Variants in CENPK observed in about 807,000 individuals in gnomAD.
CENPK encodes the protein centromere protein K.
CENPK carries 46 observed loss-of-function variants against 40.9 expected under a neutral mutation model. That is an observed-to-expected ratio of 1.13 (90% CI 0.89 to 1.44). The LOEUF (loss-of-function observed/expected upper bound fraction) is 1.44, where lower values mean the gene tolerates loss of function less well. Among genes scored for constraint, CENPK ranks in the 40% most tolerant of loss-of-function variants. CENPK has a pLI of 0.00. For synonymous variants in CENPK, 107 were observed against 104.4 expected (o/e 1.02, Z -0.15); for missense variants, 288 against 303.5 (o/e 0.95, Z 0.38).
At chr5:65,551,372 G>T in intron 5 of CENPK, 192 bp downstream of exon 5, 2 of 440,404 alleles carry the variant, frequency 4.5e-6, no homozygotes, top group East Asian at 4.3e-5. Flanking sequence ...ATAATCTAAT[G>T]TAAGATATGT....
At chr5:65,544,418 A>G (rs755464313) in intron 5 of CENPK, among the ~76,000 whole-genome samples, 6 of 152,182 alleles carry the variant, frequency 3.9e-5, no homozygotes, top group Non-Finnish European at 5.9e-5. Context: ...AGAAACTGAA[A>G]CCATGTGCAC....
At chr5:65,498,634 CT>C in the CENPK span, among the ~76,000 whole-genome samples, 40,964 of 132,354 alleles carry the variant, frequency 0.31, 6,010 homozygotes, top group African/African-American at 0.41. Flanking sequence ...TTTCTTTTTT[CT>C]TTTTTTTTTT....
chr5:65,526,891 G>A (rs1465084530), intron 9 of CENPK, among the ~76,000 whole-genome samples: 2 of 152,116 alleles, frequency 1.3e-5, no homozygotes, highest in Non-Finnish European at 2.9e-5. Context: ...TCAGGAGTTC[G>A]AGACCAGCCT....
intron 5 of CENPK, chr5:65,551,242 CCT>C (rs1437244824): frequency 8.5e-6 from 2 of 235,600 alleles, no homozygotes; most frequent in African/African-American, 3.3e-5. Context: ...ACGATGAGAC[CCT>C]GTCTCAAAAA....
downstream of CENPK, among the ~76,000 whole-genome samples, chr5:65,517,448 C>T (rs245551): frequency 0.68 from 103,635 of 151,924 alleles, 35,894 homozygotes; most frequent in East Asian, 0.89. Flanking sequence ...ATATATTATC[C>T]TCCCCTAAAA....
chr5:65,525,203 C>T (rs896043091), intron 9 of CENPK, among the ~76,000 whole-genome samples: 6 of 151,864 alleles, frequency 4.0e-5, no homozygotes, highest in Non-Finnish European at 8.8e-5. Flanking sequence ...TACTAAAAAA[C>T]AAAGATAGAA....
chr5:65,555,626 A>G (rs907764946), intron 2 of CENPK, among the ~76,000 whole-genome samples: 1 of 152,234 alleles, frequency 6.6e-6, no homozygotes, highest in Non-Finnish European at 1.5e-5. Context: ...GCAATGACCC[A>G]AGCAAGATGT....
chr5:65,509,684 T>C, the CENPK span, among the ~76,000 whole-genome samples: 3 of 152,178 alleles, frequency 2.0e-5, no homozygotes, highest in Admixed American at 6.5e-5. Flanking sequence ...TATAAAGGCA[T>C]GCTTTATTTT....
chr5:65,540,693 T>C (rs1023177315), intron 6 of CENPK, among the ~76,000 whole-genome samples: 2 of 152,148 alleles, frequency 1.3e-5, no homozygotes, highest in African/African-American at 4.8e-5. Context: ...TCTAGATAGC[T>C]GAACACAGGC....
intron 4 of CENPK, 126 bp from the exon 5 acceptor site, chr5:65,551,762 C>T (rs1750102346): frequency 2.2e-6 from 1 of 451,712 alleles, no homozygotes; most frequent in South Asian, 6.3e-5. Flanking sequence ...TCACGCTGCT[C>T]CAGAGGCAAC....
At chr5:65,539,436 A>T (rs1675860038) in intron 6 of CENPK, among the ~76,000 whole-genome samples, 2 of 152,258 alleles carry the variant, frequency 1.3e-5, no homozygotes, top group South Asian at 4.1e-4. Context: ...TAGGATAGAC[A>T]TTCCTATTCC....
At chr5:65,523,569 A>T (rs1744153023) in intron 9 of CENPK, among the ~76,000 whole-genome samples, 1 of 152,226 alleles carries the variant, frequency 6.6e-6, no homozygotes, top group Non-Finnish European at 1.5e-5. Flanking sequence ...GAGTGGTATA[A>T]ATGAGCATAC....
At chr5:65,527,213 C>T (rs1744861485) in intron 9 of CENPK, among the ~76,000 whole-genome samples, 1 of 151,974 alleles carries the variant, frequency 6.6e-6, no homozygotes, top group Admixed American at 6.6e-5. Context: ...GCTACCCTCA[C>T]CAGATCGGAA....
chr5:65,542,999 T>A, intron 5 of CENPK, 151 bp from the exon 6 acceptor site: 1 of 623,986 alleles, frequency 1.6e-6, no homozygotes, highest in Non-Finnish European at 2.7e-6. Context: ...AGTTTCCCTC[T>A]TGTCACCCAG....
chr5:65,546,334 T>G (rs1189500674), intron 5 of CENPK, among the ~76,000 whole-genome samples: 5 of 80,628 alleles, frequency 6.2e-5, no homozygotes, highest in Non-Finnish European at 8.5e-5. Context: ...ATGCTGTATG[T>G]GCAAAATGAA....
At chr5:65,512,319 T>C in the CENPK span, among the ~76,000 whole-genome samples, 1 of 152,248 alleles carries the variant, frequency 6.6e-6, no homozygotes, top group Non-Finnish European at 1.5e-5. Flanking sequence ...ACTCTTATTT[T>C]GAAAGTTCTA....
chr5:65,524,797 C>A (rs1744393597), intron 9 of CENPK: 1 of 152,992 alleles, frequency 6.5e-6, no homozygotes, highest in Non-Finnish European at 1.5e-5. Context: ...TAAAATATAA[C>A]CTGCCAAAGT....
the CENPK span, among the ~76,000 whole-genome samples, chr5:65,499,659 T>A: frequency 2.1e-5 from 2 of 96,088 alleles, no homozygotes; most frequent in African/African-American, 5.9e-5. Flanking sequence ...ATCTTTTTTT[T>A]TTTTTTAATT....
the CENPK span, among the ~76,000 whole-genome samples, chr5:65,497,777 G>A: frequency 6.6e-6 from 1 of 152,154 alleles, no homozygotes; most frequent in Non-Finnish European, 1.5e-5. Context: ...GGGTGAGGTG[G>A]GAGGCTCACT....
Sources: gnomAD v4.1 joint callset for allele counts (sites outside exome capture counted in the v4.1 genomes callset) on GRCh38, gnomAD v4.1.1 for gene constraint, MANE v1.5 for transcripts, NCBI Gene and HGNC (gene_info 2026-07-23, HGNC 2026-07-21) for gene names.